VLDLR: variants seen among roughly 807,000 people sequenced by gnomAD.
VLDLR encodes very low density lipoprotein receptor.
A neutral mutation model predicts 112.7 loss-of-function variants in VLDLR; 81 were observed. The observed-to-expected ratio is 0.72, with a 90% CI of 0.60 to 0.86. The LOEUF is 0.86. VLDLR is among the 40% of genes least tolerant of loss of function. The pLI is 0.00. For synonymous variants in VLDLR, 436 were observed against 384.8 expected, an observed-to-expected ratio of 1.13 and a Z score of -1.56; for missense variants, 1,237 against 1,099.4, an observed-to-expected ratio of 1.13 and a Z score of -1.77.
intron 14 of VLDLR, among the ~76,000 whole-genome samples, chr9:2,649,098 T>C (rs1232418929): frequency 6.6e-6 from 1 of 152,214 alleles, no homozygotes; most frequent in African/African-American, 2.4e-5. Context: ...GCCAAGACTA[T>C]TGCAGTAGCC....
intron 1 of VLDLR, among the ~76,000 whole-genome samples, chr9:2,635,251 A>G (rs1008347655): frequency 1.3e-5 from 2 of 152,156 alleles, no homozygotes; most frequent in Admixed American, 6.5e-5. Flanking sequence ...TTGAAAATCT[A>G]GTATTTAGTC....
At chr9:2,639,337 G>C (rs1817732260) in intron 2 of VLDLR, among the ~76,000 whole-genome samples, 1 of 152,142 alleles carries the variant, frequency 6.6e-6, no homozygotes, top group Non-Finnish European at 1.5e-5. Context: ...ATTCATGGGG[G>C]CTCCACCCTC....
rs1818136383 is a variant in VLDLR at position 2,647,662 on chromosome 9, G to A, written c.1822+70G>A. 1.4e-5 allele frequency: 19 copies of A among 1,377,108 alleles called. No homozygotes were observed. The South Asian group carries it at 2.2e-4, about 16-fold the overall frequency. 85.3% of individuals were successfully genotyped at this position (1,377,108 alleles called of 1,614,324 possible). A position where few individuals can be genotyped will look rare whatever the true frequency, so the allele number is the denominator to read the frequency against. On this transcript the variant is annotated intron_variant, in intron 12 of 18. Coordinates refer to ENST00000382100, the MANE Select transcript of VLDLR (RefSeq NM_003383.5). ...TAGTGTTTCCATTTATCTCCATGGT[G>A]AATTCTGGACTAGCAGATGACTCTA...
rs6143 is a variant in VLDLR, at chr9:2,645,719, C to T, written c.1458C>T (p.Ala486=). Residue 486 remains alanine (A), a synonymous_variant, in exon 10 of 19, where the codon GCC becomes GCT. Transcript: ENST00000382100. ...ADIAAQKLFW[A]DLSQKAIFSA... is the part of the protein sequence containing the mutation. ...TTGCTGCCCAGAAACTATTCTGGGCCGATCTAAGCCAAAAGGCTATCTTCA... is the reference window on the plus strand; with the variant it reads ...TTGCTGCCCAGAAACTATTCTGGGCTGATCTAAGCCAAAAGGCTATCTTCA... 14,346 of 1,614,000 alleles carry T rather than the reference C, an allele frequency of 8.9e-3. 734 individuals carry two copies. In the African/African-American group the frequency reaches 0.14, roughly 16 times the overall value.
In VLDLR at chr9:2,654,059, A is replaced by C. The variant is rs1019257052; in HGVS notation, c.*191A>C. 8.3e-6 allele frequency: 5 copies of C among 602,054 alleles called. No homozygotes were observed. The African/African-American group carries it at 9.3e-5, about 11-fold the overall frequency. The allele number at this position is 602,054 out of a possible 1,614,324, so 37.3% of individuals were successfully genotyped here. ...TTGTAAATATTCTTGTCCACATTCT[A>C]CTTCAGCTTTGGATGTGGTTACCGA... On this transcript the variant is annotated 3_prime_UTR_variant, in exon 19 of 19. Transcript: ENST00000382100.
rs759083027 is a variant in VLDLR, at chr9:2,653,794, T to C, written c.2587-39T>C. 5.6e-6 allele frequency: 9 copies of C among 1,613,332 alleles called. No individual in the cohort carries two copies. The South Asian group carries it at 9.9e-5, about 18-fold the overall frequency. On this transcript the variant is annotated intron_variant, in intron 18 of 18. Coordinates refer to ENST00000382100, the MANE Select transcript of VLDLR (RefSeq NM_003383.5). ...AAAGACTAGAGTTGCCATCAGTGAGTGATCACCAAGCTCATTCTATACTTC... is the reference window on the plus strand; with the variant it reads ...AAAGACTAGAGTTGCCATCAGTGAGCGATCACCAAGCTCATTCTATACTTC...
intron 7 of VLDLR, 150 bp from the exon 8 acceptor site, chr9:2,644,584 A>T: frequency 1.0e-6 from 1 of 976,156 alleles, no homozygotes; most frequent in Non-Finnish European, 1.5e-6. Flanking sequence ...ACCCTGAAAT[A>T]TATACCTATA....
In VLDLR at chr9:2,632,836, C is replaced by G. The variant is rs35637160; in HGVS notation, c.83-2617C>G. ...CACTTTCTGCCCAGTAGCAGTCCCT[C>G]AAAACAAAGTGCTTAGGAAACTAGG... On this transcript the variant is annotated intron_variant, in intron 1 of 18. Coordinates refer to ENST00000382100, the MANE Select transcript of VLDLR (RefSeq NM_003383.5). 3.2e-3 allele frequency among the ~76,000 whole-genome samples: 488 copies of G among 152,230 alleles called. 2 individuals carry two copies. Among genetic ancestry groups the G allele is most frequent in the Admixed American group, 5.0e-3 (76 of 15,290 alleles).
chr9:2,653,284 A>C (rs1410979515), intron 18 of VLDLR, among the ~76,000 whole-genome samples: 1 of 152,250 alleles, frequency 6.6e-6, no homozygotes, highest in East Asian at 1.9e-4. Flanking sequence ...AAAGTAAATT[A>C]GCATATCATA....
chr9:2,644,317 C>T lies in VLDLR; in HGVS notation c.1066+358C>T, dbSNP rs373843505. Among the ~76,000 whole-genome samples, 58 of 133,466 alleles carry T rather than the reference C, an allele frequency of 4.3e-4. 1 individual carries two copies. The highest frequency in any genetic ancestry group is 1.3e-3 in the African/African-American group (45 of 34,272). The allele number at this position is 133,466 out of a possible 152,430, so 87.6% of individuals were successfully genotyped here. On this transcript the variant is annotated intron_variant, in intron 7 of 18. Transcript: ENST00000382100. ...GGGACTATAGGCGCCCACCACCACG[C>T]CCGGCTAATTTTTTTTTTTTTTTTT...
intron 18 of VLDLR, 66 bp from the exon 19 acceptor site, chr9:2,653,767 T>TTAAAGAC: frequency 6.3e-7 from 1 of 1,588,588 alleles, no homozygotes. Context: ...AAGGTCCATT[T>TTAAAGAC]TAAAGACTAG....
At chr9:2,650,823 AAGG>A (rs1563766663) in intron 15 of VLDLR, among the ~76,000 whole-genome samples, 2 of 152,204 alleles carry the variant, frequency 1.3e-5, no homozygotes, top group African/African-American at 4.8e-5. Context: ...TTTTCCTCAA[AAGG>A]AGGAGGACAG....
rs749780599 is a variant in VLDLR, at chr9:2,635,588, G to C, written c.202+16G>C. 2 of 1,613,956 alleles carry C rather than the reference G, an allele frequency of 1.2e-6. No individual in the cohort carries two copies. Among genetic ancestry groups the C allele is most frequent in the Non-Finnish European group, 1.7e-6 (2 of 1,179,872 alleles). The stretch of plus-strand genomic sequence containing the variant: ...AAGAACTGTGGTAAGTAAAGAGTTT[G>C]ATGACTTATGCATTTTGTTAAAATA... On this transcript the variant is annotated intron_variant, in intron 2 of 18. Transcript: ENST00000382100.
intron 1 of VLDLR, among the ~76,000 whole-genome samples, chr9:2,633,088 GGT>G (rs1817441735): frequency 6.7e-6 from 1 of 148,562 alleles, no homozygotes; most frequent in South Asian, 2.1e-4. Context: ...GTGTGTGTGT[GGT>G]TGAGAGAGAG....
intron 1 of VLDLR, among the ~76,000 whole-genome samples, chr9:2,634,362 G>C (rs186461970): frequency 1.3e-5 from 2 of 152,204 alleles, no homozygotes; most frequent in Non-Finnish European, 2.9e-5. Flanking sequence ...AAGGCCTTCT[G>C]CTGGGACACC....
At chr9:2,648,081 G>C (rs1818152445) in intron 12 of VLDLR, 127 bp from the exon 13 acceptor site, 2 of 1,316,708 alleles carry the variant, frequency 1.5e-6, no homozygotes, top group African/African-American at 2.9e-5. Context: ...AAGGTTTATG[G>C]TGACCCCGTT....
intron 15 of VLDLR, among the ~76,000 whole-genome samples, chr9:2,651,174 G>A (rs1818311686): frequency 6.6e-6 from 1 of 152,136 alleles, no homozygotes; most frequent in Non-Finnish European, 1.5e-5. Flanking sequence ...AAATGTGGTT[G>A]TCCATCATTT....
intron 4 of VLDLR, among the ~76,000 whole-genome samples, chr9:2,642,361 T>A (rs1326443125): frequency 6.6e-6 from 1 of 152,132 alleles, no homozygotes; most frequent in East Asian, 1.9e-4. Context: ...CTGAGGTCAA[T>A]ACCACTGCAC....
rs745830344 is a variant in VLDLR at position 2,622,269 on chromosome 9, C to G, written c.80C>G (p.Thr27Ser). 2 of 1,488,286 alleles carry G rather than the reference C, an allele frequency of 1.3e-6. No homozygotes were observed. Among genetic ancestry groups the G allele is most frequent in the Admixed American group, 4.4e-5 (2 of 45,606 alleles). 92.2% of individuals were successfully genotyped at this position (1,488,286 alleles called of 1,614,324 possible). The change falls in exon 1 of 19, where the codon ACC (threonine) becomes AGC (serine). Residue 27 changes from threonine (T) to serine (S), a missense_variant and splice_region_variant. Physicochemically the swap from Thr to Ser is moderately conservative, Grantham distance 58. Transcript: ENST00000382100. ...WAPRESGATG[T>S]GRKAKCEPSQ... ...CCCCGGGAGAGCGGCGCCACCGGAA[C>G]CGGTGAGTGAGGACGCGCCCCTCCG...
Sources: gnomAD v4.1 joint callset for allele counts (sites outside exome capture counted in the v4.1 genomes callset) on GRCh38, gnomAD v4.1.1 for gene constraint, MANE v1.5 for transcripts, NCBI Gene and HGNC (gene_info 2026-07-23, HGNC 2026-07-21) for gene names.